The following TTYH2 variants were observed in gnomAD, a reference collection of about 807,000 sequenced individuals.
TTYH2 encodes protein tweety homolog 2.
Under a neutral mutation model 68.3 loss-of-function variants are expected in TTYH2, and 49 were observed. The ratio of observed to expected loss-of-function variants is 0.72; its 90% confidence interval spans 0.57 to 0.91. The LOEUF is 0.91. Among genes scored for constraint, TTYH2 ranks in the 40% least tolerant of loss-of-function variants. The pLI is 0.00. For missense variants in TTYH2, 631 were observed against 700.4 expected (o/e 0.90, Z 1.12); for synonymous variants, 272 against 300.8 (o/e 0.90, Z 0.99).
Position 74,261,518 on chromosome 17 carries a change from A to G in TTYH2, c.*1309A>G, listed in dbSNP as rs2050750478. Reference sequence around the variant, plus strand: ...ACAGGAGCTTATTGGCCAGGAGGGAATAATGTCCCCCAATACTGCCTGTTG... The same window carrying G: ...ACAGGAGCTTATTGGCCAGGAGGGAGTAATGTCCCCCAATACTGCCTGTTG... On this transcript the variant is annotated 3_prime_UTR_variant, in exon 14 of 14. Transcript: ENST00000269346. 1 of 152,652 alleles carries G rather than the reference A, an allele frequency of 6.6e-6. No homozygotes were observed. Among genetic ancestry groups the G allele is most frequent in the African/African-American group, 2.4e-5 (1 of 41,452 alleles). 9.5% of individuals were successfully genotyped at this position (152,652 alleles called of 1,614,324 possible). A position where few individuals can be genotyped will look rare whatever the true frequency, so the allele number is the denominator to read the frequency against.
At chr17:74,225,086 G>C (rs1025053863) in intron 2 of TTYH2, among the ~76,000 whole-genome samples, 4 of 152,140 alleles carry the variant, frequency 2.6e-5, no homozygotes, top group African/African-American at 9.7e-5. Context: ...CTGAGTCCAG[G>C]CGTTCCTGGG....
Position 74,245,761 on chromosome 17 carries a change from C to T in TTYH2, c.804+1712C>T, listed in dbSNP as rs546673125. The stretch of plus-strand genomic sequence containing the variant: ...GCCGGGTGAGGAGGAGCCAGGAGGG[C>T]GGGGAGGGCGGCCGGCTGTCCCGGG... On this transcript the variant is annotated intron_variant, in intron 6 of 13. Coordinates refer to ENST00000269346, the MANE Select transcript of TTYH2 (RefSeq NM_032646.6). 2.5e-3 allele frequency among the ~76,000 whole-genome samples: 388 copies of T among 152,232 alleles called. 2 individuals are homozygous for T. Among genetic ancestry groups the T allele is most frequent in the African/African-American group, 8.5e-3 (354 of 41,552 alleles).
rs547199798 is a variant in TTYH2 at position 74,260,662 on chromosome 17, G to A, written c.*453G>A. ...CCCTCTGTCCTCGTTCCCTGTCCTC[G>A]TTCCCTGCAGGTAACATGAGAAGGG... On this transcript the variant is annotated 3_prime_UTR_variant, in exon 14 of 14. Transcript: ENST00000269346. 1.7e-4 allele frequency: 32 copies of A among 193,684 alleles called. No homozygotes were observed. The highest frequency in any genetic ancestry group is 2.5e-3 in the Middle Eastern group (1 of 398). 12.0% of individuals were successfully genotyped at this position (193,684 alleles called of 1,614,324 possible).
At chr17:74,257,748 A>G (rs1337140214) in intron 13 of TTYH2, among the ~76,000 whole-genome samples, 1 of 152,230 alleles carries the variant, frequency 6.6e-6, no homozygotes, top group Non-Finnish European at 1.5e-5. Flanking sequence ...AAAGATACTG[A>G]CGTTGAGACT....
intron 8 of TTYH2, 149 bp from the exon 9 acceptor site, chr17:74,249,787 G>A: frequency 2.3e-6 from 2 of 853,058 alleles, no homozygotes; most frequent in Non-Finnish European, 3.8e-6. Context: ...GCAAGTGGAG[G>A]GGCCTGTGCA....
rs1418690096 is a variant in TTYH2 at position 74,241,687 on chromosome 17, C to T, written c.636-1687C>T. On this transcript the variant is annotated intron_variant, in intron 4 of 13. Coordinates refer to ENST00000269346, the MANE Select transcript of TTYH2 (RefSeq NM_032646.6). The surrounding 1 kb of genome is among the most constrained non-coding windows in gnomAD (Gnocchi z 4.1). ...TTATGATGTCAGTGAAGCAGAAAACCATTGCTGGAGAGGAGAGGTCAGCGA... is the reference window on the plus strand; with the variant it reads ...TTATGATGTCAGTGAAGCAGAAAACTATTGCTGGAGAGGAGAGGTCAGCGA... Among the ~76,000 whole-genome samples, 1 of 152,206 alleles carries T rather than the reference C, an allele frequency of 6.6e-6. No individual in the cohort carries two copies. The highest frequency in any genetic ancestry group is 1.5e-5 in the Non-Finnish European group (1 of 68,038).
At position 74,260,202 on chromosome 17, in the gene TTYH2, C is replaced by T; in HGVS notation, c.1598C>T (p.Pro533Leu). Residue 533 changes from proline (P) to leucine (L), a missense_variant, in exon 14 of 14, where the codon CCA becomes CTA. Coordinates refer to ENST00000269346, the MANE Select transcript of TTYH2 (RefSeq NM_032646.6). ...EHLRHYGNQF[P>L]A is the part of the protein sequence containing the mutation. ...CTGAGGCACTACGGGAATCAGTTTC[C>T]AGCCTAACAGACTTTCGGGGGTTCC... 6.2e-7 allele frequency: 1 copy of T among 1,613,996 alleles called. No homozygotes were observed. The highest frequency in any genetic ancestry group is 2.2e-5 in the East Asian group (1 of 44,878).
At chr17:74,225,635 G>A (rs2050322211) in intron 2 of TTYH2, among the ~76,000 whole-genome samples, 1 of 152,192 alleles carries the variant, frequency 6.6e-6, no homozygotes, top group Non-Finnish European at 1.5e-5. Context: ...CTGCAGGCCA[G>A]AGGGACACAG....
chr17:74,231,197 G>T (rs1598218955), intron 3 of TTYH2, among the ~76,000 whole-genome samples, 198 bp downstream of exon 3: 2 of 152,326 alleles, frequency 1.3e-5, no homozygotes, highest in African/African-American at 4.8e-5. Flanking sequence ...AGCCTGCAGG[G>T]GTGGCAGGGA....
At chr17:74,231,079 C>T in intron 3 of TTYH2, 80 bp downstream of exon 3, 1 of 1,310,080 alleles carries the variant, frequency 7.6e-7, no homozygotes, top group Non-Finnish European at 1.1e-6. Context: ...CCCGTCAGAT[C>T]CCAGCTAGCT....
intron 4 of TTYH2, among the ~76,000 whole-genome samples, chr17:74,238,366 A>G (rs1026129536): frequency 6.6e-6 from 1 of 152,158 alleles, no homozygotes; most frequent in Non-Finnish European, 1.5e-5. Flanking sequence ...AGGAGGCACA[A>G]GGGAGGAATG....
rs1267191509 is a variant in TTYH2, at chr17:74,217,699, C to T, written c.129+3983C>T. The stretch of plus-strand genomic sequence containing the variant: ...CCAGCCTCCCCCTGAGACCGGCACA[C>T]CTCTCTCTATGTCTTCTGGGGCCAG... On this transcript the variant is annotated intron_variant, in intron 1 of 13. Transcript: ENST00000269346. The surrounding 1 kb of genome is among the most constrained non-coding windows in gnomAD (Gnocchi z 4.0). Among the ~76,000 whole-genome samples, 1 of 152,198 alleles carries T rather than the reference C, an allele frequency of 6.6e-6. No individual in the cohort carries two copies. Among genetic ancestry groups the T allele is most frequent in the Non-Finnish European group, 1.5e-5 (1 of 68,036 alleles).
In TTYH2 at chr17:74,260,524, T is replaced by C. The variant is rs900334363; in HGVS notation, c.*315T>C. 4 of 383,994 alleles carry C rather than the reference T, an allele frequency of 1.0e-5. No homozygotes were observed. Among genetic ancestry groups the C allele is most frequent in the African/African-American group, 8.2e-5 (4 of 48,814 alleles). The allele number at this position is 383,994 out of a possible 1,614,324, so 23.8% of individuals were successfully genotyped here. Reference sequence around the variant, plus strand: ...CGCCTCGCCCTTGCCAGGAGGGGAGTGGCAGTGAGGAGGGGGCCAGGTCAG... The same window carrying C: ...CGCCTCGCCCTTGCCAGGAGGGGAGCGGCAGTGAGGAGGGGGCCAGGTCAG... On this transcript the variant is annotated 3_prime_UTR_variant, in exon 14 of 14. Transcript: ENST00000269346.
intron 2 of TTYH2, among the ~76,000 whole-genome samples, chr17:74,226,541 G>A (rs968645007): frequency 3.2e-4 from 49 of 152,258 alleles, no homozygotes; most frequent in African/African-American, 1.2e-3. Flanking sequence ...CAGCCAGATT[G>A]GTGTGAGTTA....
chr17:74,237,507 T>C lies in TTYH2; in HGVS notation c.628T>C (p.Tyr210His), dbSNP rs1598222509. 6.2e-7 allele frequency: 1 copy of C among 1,605,798 alleles called. No homozygotes were observed. ...ATCCGACCAGACTGGCTACGTGGAGTACTACAGGTGAAGGACCGGTGGGAG... is the reference window on the plus strand; with the variant it reads ...ATCCGACCAGACTGGCTACGTGGAGCACTACAGGTGAAGGACCGGTGGGAG... The part of the protein sequence containing the change: ...KLSDQTGYVE[Y>H]YRWLSYLLLF... Residue 210 changes from tyrosine (Y) to histidine (H), a missense_variant, in exon 4 of 14, where the codon TAC becomes CAC. Transcript: ENST00000269346.
chr17:74,221,152 C>T (rs547148968), intron 1 of TTYH2, among the ~76,000 whole-genome samples: 1 of 152,304 alleles, frequency 6.6e-6, no homozygotes, highest in East Asian at 1.9e-4. Flanking sequence ...GCCATCTCTC[C>T]TGCCTTTTTC....
chr17:74,257,926 G>C (rs1001652407), intron 13 of TTYH2, among the ~76,000 whole-genome samples: 22 of 152,150 alleles, frequency 1.4e-4, no homozygotes, highest in African/African-American at 5.3e-4. Flanking sequence ...GGCCAAGGCA[G>C]GTGGATCACT....
At chr17:74,228,077 G>A (rs1208067161) in intron 2 of TTYH2, among the ~76,000 whole-genome samples, 1 of 147,022 alleles carries the variant, frequency 6.8e-6, no homozygotes, top group Non-Finnish European at 1.5e-5. Flanking sequence ...TCCTCCTCCT[G>A]GGTTCTAGCG....
chr17:74,218,246 C>T (rs966814916), intron 1 of TTYH2, among the ~76,000 whole-genome samples: 17 of 152,254 alleles, frequency 1.1e-4, no homozygotes, highest in Admixed American at 2.6e-4. Flanking sequence ...CCCACCTTCC[C>T]TCTTCTTTCT....
Sources: gnomAD v4.1 joint callset for allele counts (sites outside exome capture counted in the v4.1 genomes callset) on GRCh38, gnomAD v4.1.1 for gene constraint, Gnocchi (gnomAD v3.1) non-coding constraint, MANE v1.5 for transcripts, NCBI Gene and HGNC (gene_info 2026-07-23, HGNC 2026-07-21) for gene names.